Variants in RIT2 observed in about 807,000 individuals in gnomAD.
RIT2 encodes the protein GTP-binding protein Rit2.
RIT2 carries 24 observed loss-of-function variants against 23.7 expected under a neutral mutation model. The observed-to-expected ratio is 1.01, with a 90% CI of 0.73 to 1.43. The LOEUF is 1.43. Among genes scored for constraint, RIT2 ranks in the 40% most tolerant of loss-of-function variants. The pLI is 0.00. For missense variants in RIT2, 236 were observed against 266.9 expected, an observed-to-expected ratio of 0.88 and a Z score of 0.81; for synonymous variants, 107 against 91.1, an observed-to-expected ratio of 1.17 and a Z score of -0.99.
intron 4 of RIT2, among the ~76,000 whole-genome samples, chr18:42,888,513 G>A (rs1225559596): frequency 2.7e-5 from 4 of 150,170 alleles, no homozygotes; most frequent in African/African-American, 9.8e-5. Flanking sequence ...AGCCTCTCCA[G>A]CATCTGTTTT....
intron 4 of RIT2, among the ~76,000 whole-genome samples, chr18:42,812,816 T>C (rs1010219953): frequency 3.2e-4 from 49 of 152,314 alleles, no homozygotes; most frequent in Middle Eastern, 3.4e-3. Context: ...CAGAGACAAA[T>C]CTACTCTTAA....
intron 3 of RIT2, among the ~76,000 whole-genome samples, chr18:42,929,918 C>G (rs1909284406): frequency 6.6e-6 from 1 of 152,112 alleles, no homozygotes; most frequent in African/African-American, 2.4e-5. Context: ...CTGAAGCATC[C>G]TGACCTCAGT....
At chr18:43,011,055 A>C (rs1911339318) in intron 2 of RIT2, among the ~76,000 whole-genome samples, 1 of 151,864 alleles carries the variant, frequency 6.6e-6, no homozygotes, top group Non-Finnish European at 1.5e-5. Context: ...AGAAAATTTT[A>C]TAAAGGTAAT....
chr18:43,018,459 C>T lies in RIT2; in HGVS notation c.160+15352G>A, dbSNP rs189986047. ...AGTGATTACATATAAAAATACATAC[C>T]ATTAAAACAAGTTAAATTAAATGTA... On this transcript the variant is annotated intron_variant, in intron 2 of 4. Transcript: ENST00000326695. Among the ~76,000 whole-genome samples, 24 of 151,656 alleles carry T rather than the reference C, an allele frequency of 1.6e-4. No homozygotes were observed. In the East Asian group the frequency reaches 4.1e-3, roughly 26 times the overall value.
At chr18:42,770,847 A>G (rs145347294) in intron 4 of RIT2, among the ~76,000 whole-genome samples, 2 of 152,218 alleles carry the variant, frequency 1.3e-5, no homozygotes, top group Admixed American at 6.5e-5. Context: ...AGGAAGGGAA[A>G]AAAAGGAAAG....
At chr18:42,754,234 C>A (rs1913111543) in intron 4 of RIT2, among the ~76,000 whole-genome samples, 1 of 152,114 alleles carries the variant, frequency 6.6e-6, no homozygotes, top group South Asian at 2.1e-4. Flanking sequence ...CAAGAGTCCT[C>A]CTTCCCTTCT....
At chr18:42,887,054 A>C (rs903702992) in intron 4 of RIT2, among the ~76,000 whole-genome samples, 11 of 152,190 alleles carry the variant, frequency 7.2e-5, no homozygotes, top group African/African-American at 2.4e-4. Context: ...ACAAAATAAA[A>C]TATTTGTTTA....
At chr18:42,789,398 T>C (rs935788108) in intron 4 of RIT2, among the ~76,000 whole-genome samples, 1 of 152,224 alleles carries the variant, frequency 6.6e-6, no homozygotes, top group Non-Finnish European at 1.5e-5. Flanking sequence ...TTCCTTTGCA[T>C]TGAATCTGTA....
intron 4 of RIT2, among the ~76,000 whole-genome samples, chr18:42,786,691 T>C (rs553712359): frequency 1.3e-3 from 203 of 152,282 alleles, no homozygotes; most frequent in African/African-American, 4.5e-3. Flanking sequence ...GTGAACTCTT[T>C]GCTCCAGTCA....
chr18:42,894,801 T>C (rs1011039435), intron 4 of RIT2, among the ~76,000 whole-genome samples: 4 of 152,248 alleles, frequency 2.6e-5, no homozygotes, highest in Non-Finnish European at 1.5e-5. Context: ...TGTATATAGA[T>C]ATACTTTTGA....
intron 1 of RIT2, among the ~76,000 whole-genome samples, chr18:43,084,892 T>TA (rs943053947): frequency 6.6e-5 from 10 of 152,008 alleles, no homozygotes; most frequent in South Asian, 4.2e-4. Flanking sequence ...TAAAGTATAA[T>TA]AAAAAAAGTT....
At chr18:42,820,725 A>G (rs922462277) in intron 4 of RIT2, among the ~76,000 whole-genome samples, 1 of 152,138 alleles carries the variant, frequency 6.6e-6, no homozygotes, top group African/African-American at 2.4e-5. Context: ...AGAAAAAACT[A>G]TGAGATATTG....
intron 4 of RIT2, among the ~76,000 whole-genome samples, chr18:42,849,566 A>G (rs1230470094): frequency 2.0e-5 from 3 of 152,140 alleles, no homozygotes; most frequent in Non-Finnish European, 2.9e-5. Context: ...TGAGCACCCA[A>G]TATAGTCATT....
At chr18:42,962,257 T>C (rs1910110037) in intron 3 of RIT2, among the ~76,000 whole-genome samples, 1 of 152,230 alleles carries the variant, frequency 6.6e-6, no homozygotes, top group Non-Finnish European at 1.5e-5. Flanking sequence ...CATTTTACTA[T>C]TAATGGAGCT....
chr18:42,822,465 T>C (rs1043728965), intron 4 of RIT2, among the ~76,000 whole-genome samples: 1 of 152,114 alleles, frequency 6.6e-6, no homozygotes, highest in Non-Finnish European at 1.5e-5. Context: ...CCAGGTCTCT[T>C]TAGATTTTAT....
At chr18:42,944,133 C>A (rs1180854868) in intron 3 of RIT2, among the ~76,000 whole-genome samples, 1 of 152,032 alleles carries the variant, frequency 6.6e-6, no homozygotes, top group Non-Finnish European at 1.5e-5. Flanking sequence ...GTGGAAAAAA[C>A]AAAAAGTCTT....
intron 4 of RIT2, among the ~76,000 whole-genome samples, chr18:42,895,746 G>T (rs1908311374): frequency 6.6e-6 from 1 of 152,188 alleles, no homozygotes; most frequent in Admixed American, 6.6e-5. Context: ...CTTGCATAGA[G>T]TGCAAAATCT....
chr18:43,073,979 G>C (rs1198103396), intron 1 of RIT2, among the ~76,000 whole-genome samples: 1 of 152,130 alleles, frequency 6.6e-6, no homozygotes, highest in African/African-American at 2.4e-5. Flanking sequence ...GGAGGAACAG[G>C]TGGATTCCTC....
intron 3 of RIT2, among the ~76,000 whole-genome samples, chr18:42,928,878 A>G (rs1035662394): frequency 6.6e-5 from 10 of 151,562 alleles, no homozygotes; most frequent in Non-Finnish European, 1.3e-4. Flanking sequence ...GTTTTTTGGT[A>G]TTTGACACAT....
Sources: allele counts gnomAD v4.1 joint callset (sites outside exome capture counted in the v4.1 genomes callset), GRCh38; gene constraint gnomAD v4.1.1; transcripts MANE v1.5; gene names NCBI Gene and HGNC (gene_info 2026-07-23, HGNC 2026-07-21).